BBX: variants seen among roughly 807,000 people sequenced by gnomAD.
The protein encoded by BBX is HMG box transcription factor BBX.
Under a neutral mutation model 100.2 loss-of-function variants are expected in BBX, and 30 were observed. That is an observed-to-expected ratio of 0.30 (90% CI 0.22 to 0.41). The LOEUF (loss-of-function observed/expected upper bound fraction) is 0.41, where lower values mean the gene tolerates loss of function less well. BBX is among the 10% of genes least tolerant of loss of function. The pLI, the probability that BBX is intolerant of heterozygous loss-of-function variation, is 1.00. For synonymous variants in BBX, 376 were observed against 388.1 expected (o/e 0.97, Z 0.37); for missense variants, 1,023 against 1,129.8 (o/e 0.91, Z 1.35).
chr3:107,675,161 C>T (rs1022152668), intron 3 of BBX, among the ~76,000 whole-genome samples: 1 of 151,976 alleles, frequency 6.6e-6, no homozygotes, highest in African/African-American at 2.4e-5. Flanking sequence ...AGTTTCAGAC[C>T]CTGGAGACTG....
intron 2 of BBX, among the ~76,000 whole-genome samples, chr3:107,626,136 T>C (rs2056154858): frequency 6.6e-6 from 1 of 152,236 alleles, no homozygotes; most frequent in Non-Finnish European, 1.5e-5. Flanking sequence ...TTAAAGTTTT[T>C]CTAAAAGTTT....
chr3:107,669,090 TAAG>T (rs1375520602), intron 3 of BBX, among the ~76,000 whole-genome samples: 1 of 152,114 alleles, frequency 6.6e-6, no homozygotes, highest in African/African-American at 2.4e-5. Flanking sequence ...TGCCTGTAAT[TAAG>T]AGGCTAGCGA....
chr3:107,756,280 C>T (rs1466276748), intron 10 of BBX, among the ~76,000 whole-genome samples: 1 of 152,052 alleles, frequency 6.6e-6, no homozygotes, highest in Non-Finnish European at 1.5e-5. Flanking sequence ...CTAGGGTGGG[C>T]AAGGCAATGG....
intron 3 of BBX, among the ~76,000 whole-genome samples, chr3:107,696,780 T>C (rs1288212937): frequency 6.6e-6 from 1 of 151,442 alleles, no homozygotes; most frequent in Non-Finnish European, 1.5e-5. Flanking sequence ...CTGGATAATA[T>C]CCTGCAGAGT....
intron 3 of BBX, among the ~76,000 whole-genome samples, chr3:107,709,094 A>G (rs2061560863): frequency 2.0e-5 from 3 of 152,224 alleles, no homozygotes; most frequent in Admixed American, 6.5e-5. Context: ...AAGCTGGATT[A>G]TTTAATAAAT....
At chr3:107,696,699 T>G (rs956297137) in intron 3 of BBX, among the ~76,000 whole-genome samples, 2 of 151,580 alleles carry the variant, frequency 1.3e-5, no homozygotes, top group Non-Finnish European at 2.9e-5. Flanking sequence ...TCTCGAGGAG[T>G]ATCTTTGTGG....
At position 107,640,045 on chromosome 3, in the gene BBX, A is replaced by G. The variant is rs560738346; in HGVS notation, c.-83-5791A>G. On this transcript the variant is annotated intron_variant, in intron 2 of 17. Transcript: ENST00000325805. ...TTTATTGAGCACTTATTGTATAGCAAATGCTTTGAATTTATAATATCTTCT... is the reference window on the plus strand; with the variant it reads ...TTTATTGAGCACTTATTGTATAGCAGATGCTTTGAATTTATAATATCTTCT... Among the ~76,000 whole-genome samples the G allele has an allele frequency of 2.6e-5, 4 of 152,292 alleles. No homozygotes were observed. The East Asian group carries it at 7.7e-4, about 29-fold the overall frequency.
chr3:107,584,353 A>G (rs754610082), intron 2 of BBX, among the ~76,000 whole-genome samples: 24 of 146,984 alleles, frequency 1.6e-4, no homozygotes, highest in Non-Finnish European at 3.0e-4. Flanking sequence ...TTGAAACAAT[A>G]CTATTTTTTC....
At chr3:107,650,100 T>C (rs1304854454) in intron 3 of BBX, among the ~76,000 whole-genome samples, 4 of 152,200 alleles carry the variant, frequency 2.6e-5, no homozygotes, top group Non-Finnish European at 5.9e-5. Context: ...TTTATGGTGC[T>C]GTTCCCAGTG....
rs1158560266 is a variant in BBX at position 107,773,791 on chromosome 3, GTTACT to G, written c.1915+162_1915+166del. On this transcript the variant is annotated intron_variant, in intron 11 of 17. Transcript: ENST00000325805. This position sits in a 1 kb window ranked among gnomAD's most constrained non-coding sequence, Gnocchi z 4.1. ...TATGGTTTATAGATCATAATTATTT[GTTACT>G]TTACTTACATGTTTTCTAGCACCAT... Among the ~76,000 whole-genome samples, 3 of 152,086 alleles carry G rather than the reference GTTACT, an allele frequency of 2.0e-5. No homozygotes were observed. The highest frequency in any genetic ancestry group is 7.2e-5 in the African/African-American group (3 of 41,390).
chr3:107,719,070 A>G (rs1208027992), intron 5 of BBX, among the ~76,000 whole-genome samples: 2 of 152,106 alleles, frequency 1.3e-5, no homozygotes, highest in African/African-American at 4.8e-5. Flanking sequence ...ATGTTAGTTC[A>G]GTGAACAAAT....
chr3:107,759,714 TA>T (rs1204126186), intron 10 of BBX, among the ~76,000 whole-genome samples: 5 of 152,198 alleles, frequency 3.3e-5, no homozygotes, highest in African/African-American at 1.2e-4. Flanking sequence ...TGTATGTGTA[TA>T]TACACATATT....
chr3:107,578,182 G>A (rs963379933), intron 2 of BBX, among the ~76,000 whole-genome samples: 2 of 152,160 alleles, frequency 1.3e-5, no homozygotes, highest in Admixed American at 6.5e-5. Context: ...CTGTTGTAAA[G>A]AATCAGCTCT....
At chr3:107,570,235 G>A (rs2051249863) in intron 2 of BBX, among the ~76,000 whole-genome samples, 1 of 152,182 alleles carries the variant, frequency 6.6e-6, no homozygotes. Flanking sequence ...TCAGAAATAC[G>A]TTGCTACTTG....
chr3:107,737,897 T>G (rs866166429), intron 7 of BBX, among the ~76,000 whole-genome samples: 66 of 140,016 alleles, frequency 4.7e-4, no homozygotes, highest in Middle Eastern at 7.1e-3. Context: ...TTTTTTTTTT[T>G]TTTTTTTTTT....
At chr3:107,692,046 A>C (rs942379712) in intron 3 of BBX, among the ~76,000 whole-genome samples, 5 of 152,148 alleles carry the variant, frequency 3.3e-5, no homozygotes, top group Admixed American at 6.5e-5. Context: ...ACAGTAGCTA[A>C]GGAAAAAGAT....
chr3:107,598,748 T>G (rs1008383408), intron 2 of BBX, among the ~76,000 whole-genome samples: 3 of 152,236 alleles, frequency 2.0e-5, no homozygotes, highest in Admixed American at 6.5e-5. Context: ...CATCACACCT[T>G]CTGCTGCCTT....
At chr3:107,666,337 C>G (rs1186178047) in intron 3 of BBX, among the ~76,000 whole-genome samples, 2 of 152,136 alleles carry the variant, frequency 1.3e-5, no homozygotes, top group Non-Finnish European at 2.9e-5. Context: ...TTGTGCTTAG[C>G]CAGTGGACAC....
chr3:107,749,423 A>G (rs914652474), intron 9 of BBX, among the ~76,000 whole-genome samples: 1 of 152,134 alleles, frequency 6.6e-6, no homozygotes, highest in Non-Finnish European at 1.5e-5. Flanking sequence ...TTTCAAAACA[A>G]TTGATTTGCC....
Sources: allele counts gnomAD v4.1 joint callset (sites outside exome capture counted in the v4.1 genomes callset), GRCh38; gene constraint gnomAD v4.1.1; non-coding constraint Gnocchi (gnomAD v3.1); transcripts MANE v1.5; gene names NCBI Gene and HGNC (gene_info 2026-07-23, HGNC 2026-07-21).